ABCC3: variants seen among roughly 807,000 people sequenced by gnomAD.
ABCC3 encodes the protein ATP binding cassette subfamily C member 3.
Under a neutral mutation model 165.3 loss-of-function variants are expected in ABCC3, and 121 were observed. The ratio of observed to expected loss-of-function variants is 0.73; its 90% CI spans 0.63 to 0.85. The LOEUF is 0.85. Ranked by LOEUF, ABCC3 falls within the 40% of genes least tolerant of loss-of-function variation. The pLI is 0.00. For synonymous variants in ABCC3, 733 were observed against 810.1 expected (o/e 0.90, Z 1.62); for missense variants, 1,869 against 1,964.1 (o/e 0.95, Z 0.92).
At chr17:50,680,865 G>C (rs1023712148) in intron 26 of ABCC3, among the ~76,000 whole-genome samples, 2 of 151,928 alleles carry the variant, frequency 1.3e-5, no homozygotes, top group Admixed American at 1.3e-4. Context: ...TCTTGAGGTC[G>C]GGAGTTCAAA....
intron 1 of ABCC3, among the ~76,000 whole-genome samples, chr17:50,640,435 G>A (rs1003661748): frequency 2.6e-5 from 4 of 152,232 alleles, no homozygotes; most frequent in African/African-American, 4.8e-5. Flanking sequence ...CCTTCCAGAA[G>A]CACATTGGCC....
At chr17:50,664,667 C>T (rs955438667) in intron 10 of ABCC3, 6 of 160,954 alleles carry the variant, frequency 3.7e-5, no homozygotes, top group African/African-American at 1.7e-4. Flanking sequence ...CATACCACTG[C>T]ACTCTAGCCT....
At position 50,684,737 on chromosome 17, in the gene ABCC3, G is replaced by C. The variant is rs182137402; in HGVS notation, c.4142G>C (p.Arg1381Pro). Residue 1381 changes from arginine (R) to proline (P), a missense_variant, in exon 29 of 31, where the codon CGC becomes CCC. Physicochemically the swap from Arg to Pro is moderately radical, Grantham distance 103. Coordinates refer to ENST00000285238, the MANE Select transcript of ABCC3 (RefSeq NM_003786.4). ...QDPILFSGTL[R>P]MNLDPFGSYS... is the part of the protein sequence containing the mutation. ...CCCATCCTGTTCTCGGGGACCCTGCGCATGAACCTGGACCCCTTCGGCAGC... is the reference window on the plus strand; with the variant it reads ...CCCATCCTGTTCTCGGGGACCCTGCCCATGAACCTGGACCCCTTCGGCAGC... 2 of 1,613,976 alleles carry C rather than the reference G, an allele frequency of 1.2e-6. No individual in the cohort carries two copies. The highest frequency in any genetic ancestry group is 2.7e-5 in the African/African-American group (2 of 74,898).
At chr17:50,669,769 A>C (rs1175867518) in intron 17 of ABCC3, among the ~76,000 whole-genome samples, 7 of 148,632 alleles carry the variant, frequency 4.7e-5, no homozygotes. Flanking sequence ...CACAGCAGGG[A>C]GCCTACATAA....
chr17:50,669,035 G>C, intron 15 of ABCC3, 105 bp from the exon 16 acceptor site: 1 of 1,592,626 alleles, frequency 6.3e-7, no homozygotes, highest in South Asian at 1.1e-5. Flanking sequence ...CAGCCTGCCA[G>C]GGGGGTGTCT....
At chr17:50,673,375 A>C in intron 18 of ABCC3, 94 bp from the exon 19 acceptor site, 1 of 1,490,800 alleles carries the variant, frequency 6.7e-7, no homozygotes, top group Middle Eastern at 1.8e-4. Context: ...TCCCTGGCAC[A>C]TGGGCACACT....
chr17:50,641,726 A>G lies in ABCC3; in HGVS notation c.45+6745A>G, dbSNP rs571022317. 2.6e-5 allele frequency among the ~76,000 whole-genome samples: 4 copies of G among 152,236 alleles called. No homozygotes were observed. The South Asian group carries it at 8.3e-4, about 32-fold the overall frequency. ...AAGAATCTGTCTTCGTGGAGCATAT[A>G]CTCTAGTGGGAAGAGGCAGTAAAAC... On this transcript the variant is annotated intron_variant, in intron 1 of 30. Coordinates refer to ENST00000285238, the MANE Select transcript of ABCC3 (RefSeq NM_003786.4).
intron 1 of ABCC3, chr17:50,635,562 C>T (rs781054159): frequency 7.1e-6 from 5 of 702,466 alleles, no homozygotes; most frequent in South Asian, 3.0e-5. Context: ...CCCACCACTC[C>T]GGACTCAGAA....
intron 8 of ABCC3, among the ~76,000 whole-genome samples, chr17:50,662,838 G>A (rs1007243420): frequency 1.3e-5 from 2 of 152,032 alleles, no homozygotes; most frequent in Non-Finnish European, 2.9e-5. Context: ...ATGGCTGGAG[G>A]GCTCCATGTA....
intron 19 of ABCC3, among the ~76,000 whole-genome samples, chr17:50,674,030 C>T (rs796515727): frequency 0.54 from 2,508 of 4,680 alleles, 1,087 homozygotes; most frequent in Non-Finnish European, 0.64. Flanking sequence ...CTCTCTCTCT[C>T]TCTCTCTTTC....
rs200200001 is a variant in ABCC3 at position 50,676,532 on chromosome 17, A to C, written c.3322A>C (p.Thr1108Pro). Residue 1108 changes from threonine to proline, a missense_variant, in exon 23 of 31, where the codon ACG (threonine) becomes CCG (proline). Physicochemically the swap from Thr to Pro is conservative, Grantham distance 38. Transcript: ENST00000285238. ...CACTCTTGTGGTCATCATGGCCAGC[A>C]CGCCGCTCTTCACTGTGGTCATCCT... ...ISTLVVIMAS[T>P]PLFTVVILPL... The C allele has an allele frequency of 6.2e-7, 1 of 1,613,968 alleles. No individual in the cohort carries two copies. Among genetic ancestry groups the C allele is most frequent in the African/African-American group, 1.3e-5 (1 of 74,978 alleles).
chr17:50,651,293 C>G (rs887091714), intron 1 of ABCC3, among the ~76,000 whole-genome samples: 2 of 152,152 alleles, frequency 1.3e-5, no homozygotes, highest in African/African-American at 4.8e-5. Context: ...TAAAAATAAA[C>G]TGTAAAGGAG....
At chr17:50,673,266 G>A in intron 18 of ABCC3, 128 bp downstream of exon 18, 2 of 1,322,770 alleles carry the variant, frequency 1.5e-6, no homozygotes, top group Non-Finnish European at 1.0e-6. Flanking sequence ...CATGTGGGTT[G>A]GGCATCAGGA....
chr17:50,635,353 A>T (rs1483854832), intron 1 of ABCC3: 9 of 637,912 alleles, frequency 1.4e-5, no homozygotes, highest in Non-Finnish European at 2.3e-5. Context: ...CGGGTTCCTG[A>T]TGGAGGGTCT....
chr17:50,654,595 C>G (rs543531569), intron 1 of ABCC3, among the ~76,000 whole-genome samples: 1 of 152,232 alleles, frequency 6.6e-6, no homozygotes, highest in South Asian at 2.1e-4. Context: ...TTTGCAAAGA[C>G]TCTCCATATC....
intron 1 of ABCC3, chr17:50,635,350 C>T (rs9890046): frequency 4.8e-6 from 3 of 630,998 alleles, no homozygotes; most frequent in African/African-American, 1.8e-5. Flanking sequence ...CCGCGGGTTC[C>T]TGATGGAGGG....
At chr17:50,644,179 CGG>C (rs1567824599) in intron 1 of ABCC3, among the ~76,000 whole-genome samples, 7 of 151,102 alleles carry the variant, frequency 4.6e-5, no homozygotes, top group African/African-American at 9.7e-5. Flanking sequence ...GGCGTGGTGG[CGG>C]GCATCTGTAA....
chr17:50,669,004 C>T, intron 15 of ABCC3, 85 bp downstream of exon 15: 1 of 1,596,186 alleles, frequency 6.3e-7, no homozygotes, highest in Non-Finnish European at 8.6e-7. Context: ...AAGCCTTTGA[C>T]CAAGAATGCA....
chr17:50,669,019 G>A, intron 15 of ABCC3, 100 bp downstream of exon 15: 1 of 1,597,580 alleles, frequency 6.3e-7, no homozygotes, highest in Non-Finnish European at 8.6e-7. Context: ...AATGCAGGAA[G>A]AGCTTCAGCC....
Sources: allele counts gnomAD v4.1 joint callset (sites outside exome capture counted in the v4.1 genomes callset), GRCh38; gene constraint gnomAD v4.1.1; transcripts MANE v1.5; gene names NCBI Gene and HGNC (gene_info 2026-07-23, HGNC 2026-07-21).